Variants in TJP1 observed in about 807,000 individuals in gnomAD.
TJP1 encodes tight junction protein ZO-1.
A neutral mutation model predicts 194.2 loss-of-function variants in TJP1; 43 were observed. The observed-to-expected ratio is 0.22, with a 90% CI of 0.17 to 0.29. TJP1 has a LOEUF of 0.29. Among genes scored for constraint, TJP1 ranks in the 10% least tolerant of loss-of-function variants. The pLI is 1.00. For missense variants in TJP1, 1,971 were observed against 2,185.7 expected, an observed-to-expected ratio of 0.90 and a Z score of 1.96; for synonymous variants, 801 against 779.0, an observed-to-expected ratio of 1.03 and a Z score of -0.47.
At chr15:29,873,223 C>T (rs997043250) in intron 2 of TJP1, among the ~76,000 whole-genome samples, 2 of 152,250 alleles carry the variant, frequency 1.3e-5, no homozygotes, top group South Asian at 2.1e-4. Context: ...TTTTGAGGTC[C>T]GTTTAGCAAA....
At chr15:29,936,520 G>A (rs911256131) in intron 2 of TJP1, among the ~76,000 whole-genome samples, 1 of 152,090 alleles carries the variant, frequency 6.6e-6, no homozygotes, top group Non-Finnish European at 1.5e-5. Context: ...AGGGCCACCC[G>A]CCGGCTCTCC....
At chr15:29,876,772 G>A (rs777461482) in intron 2 of TJP1, among the ~76,000 whole-genome samples, 13 of 152,120 alleles carry the variant, frequency 8.5e-5, no homozygotes, top group Non-Finnish European at 1.8e-4. Flanking sequence ...GACTGCTGCA[G>A]CCCTCCATTC....
intron 17 of TJP1, 103 bp from the exon 18 acceptor site, chr15:29,726,582 A>G: frequency 8.0e-7 from 1 of 1,251,542 alleles, no homozygotes; most frequent in Non-Finnish European, 1.1e-6. Flanking sequence ...GAAAGATGGT[A>G]TCTGAGGATG....
At chr15:29,808,383 G>T (rs570870290) in intron 1 of TJP1, among the ~76,000 whole-genome samples, 1 of 152,204 alleles carries the variant, frequency 6.6e-6, no homozygotes, top group African/African-American at 2.4e-5. Context: ...GCTTCGGGAC[G>T]TAAAGTAAAT....
intron 2 of TJP1, among the ~76,000 whole-genome samples, chr15:29,779,093 TC>T (rs2047194002): frequency 6.6e-6 from 1 of 152,164 alleles, no homozygotes; most frequent in African/African-American, 2.4e-5. Flanking sequence ...ACAGATAACT[TC>T]CGAATGTGGG....
chr15:29,845,205 A>G (rs1305356136), intron 2 of TJP1, among the ~76,000 whole-genome samples: 1 of 152,204 alleles, frequency 6.6e-6, no homozygotes, highest in Non-Finnish European at 1.5e-5. Context: ...TCCTCTCCTA[A>G]ATCTCACTAA....
chr15:29,830,894 T>C (rs1319080841), intron 2 of TJP1, among the ~76,000 whole-genome samples: 1 of 152,076 alleles, frequency 6.6e-6, no homozygotes, highest in Non-Finnish European at 1.5e-5. Context: ...GTCAAAAGGA[T>C]ACAGAAGCCA....
intron 8 of TJP1, among the ~76,000 whole-genome samples, chr15:29,749,430 T>C (rs1466807598): frequency 3.3e-5 from 5 of 152,136 alleles, no homozygotes; most frequent in Admixed American, 3.3e-4. Context: ...AAAACTTTGG[T>C]TGTGAAATTG....
chr15:29,871,895 CA>C (rs1220166316), intron 2 of TJP1, among the ~76,000 whole-genome samples: 1 of 151,892 alleles, frequency 6.6e-6, no homozygotes, highest in South Asian at 2.1e-4. Flanking sequence ...GAAGTATAAA[CA>C]AAAAAAAGTT....
intron 23 of TJP1, among the ~76,000 whole-genome samples, chr15:29,716,387 C>T (rs952888933): frequency 2.6e-5 from 4 of 152,132 alleles, no homozygotes; most frequent in African/African-American, 9.7e-5. Context: ...CCGTCAAAAC[C>T]CTGTGATGTT....
rs1287426303 is a variant in TJP1, at chr15:29,700,649, C to T, written c.*946G>A. 6.4e-6 allele frequency: 2 copies of T among 313,676 alleles called. No homozygotes were observed. The highest frequency in any genetic ancestry group is 1.1e-5 in the Non-Finnish European group (2 of 176,204). The allele number at this position is 313,676 out of a possible 1,614,324, so 19.4% of individuals were successfully genotyped here. ...AAAAGTGGTATGCACGCATTATGTA[C>T]AAGCATCCTTAAAACATCAAAATTT... On this transcript the variant is annotated 3_prime_UTR_variant, in exon 28 of 28. Transcript: ENST00000614355.
At chr15:29,923,827 G>T (rs556869347) in intron 2 of TJP1, among the ~76,000 whole-genome samples, 2 of 152,230 alleles carry the variant, frequency 1.3e-5, no homozygotes, top group East Asian at 3.9e-4. Context: ...TCTCAATAAA[G>T]CTGTTAAAAA....
intron 8 of TJP1, among the ~76,000 whole-genome samples, chr15:29,756,917 A>G (rs1464879571): frequency 6.6e-6 from 1 of 152,204 alleles, no homozygotes; most frequent in Non-Finnish European, 1.5e-5. Flanking sequence ...AAATACAAGC[A>G]GATAAGAAAG....
chr15:29,873,566 TTC>T (rs1235647412), intron 2 of TJP1, among the ~76,000 whole-genome samples: 3 of 152,250 alleles, frequency 2.0e-5, no homozygotes, highest in African/African-American at 7.2e-5. Context: ...TGGAGAGCTA[TTC>T]TTTTATGATC....
intron 15 of TJP1, 95 bp from the exon 16 acceptor site, chr15:29,728,114 G>A: frequency 1.0e-6 from 1 of 982,334 alleles, no homozygotes; most frequent in Admixed American, 1.9e-5. Context: ...TGCCGGACTG[G>A]ATAGTACTTT....
At chr15:29,792,750 A>AT (rs1211360754) in intron 2 of TJP1, among the ~76,000 whole-genome samples, 1 of 152,232 alleles carries the variant, frequency 6.6e-6, no homozygotes, top group Non-Finnish European at 1.5e-5. Flanking sequence ...ACCATGGAGT[A>AT]TCTTTCCACT....
intron 10 of TJP1, 38 bp downstream of exon 10, chr15:29,741,293 T>A: frequency 6.8e-7 from 1 of 1,469,820 alleles, no homozygotes; most frequent in Non-Finnish European, 9.4e-7. Flanking sequence ...ATGTTAATAA[T>A]GAACAAAGAA....
intron 2 of TJP1, among the ~76,000 whole-genome samples, chr15:29,936,282 TA>T (rs949649635): frequency 6.6e-6 from 1 of 152,082 alleles, no homozygotes; most frequent in African/African-American, 2.4e-5. Flanking sequence ...TGTTAAAAAT[TA>T]AAGACTTCTA....
In TJP1 at chr15:29,766,496, T is replaced by G. The variant is rs772857215; in HGVS notation, c.359A>C (p.Asp120Ala). 1 of 1,603,546 alleles carries G rather than the reference T, an allele frequency of 6.2e-7. No individual in the cohort carries two copies. The highest frequency in any genetic ancestry group is 1.3e-5 in the African/African-American group (1 of 74,656). The change falls in exon 5 of 28, where the codon GAT (aspartate) becomes GCT (alanine). Residue 120 changes from aspartate to alanine, a missense_variant. Coordinates refer to ENST00000614355, the MANE Select transcript of TJP1 (RefSeq NM_001330239.4). Reference sequence around the variant, plus strand: ...TTCATTATCAGATACTGGTTCAGGATCAGGACGACTTACTGGTATTTGAAC... The same window carrying G: ...TTCATTATCAGATACTGGTTCAGGAGCAGGACGACTTACTGGTATTTGAAC... Reference protein sequence around the residue: ...KKVQIPVSRPDPEPVSDNEED... With the variant: ...KKVQIPVSRPAPEPVSDNEED...
Sources: gnomAD v4.1 joint callset for allele counts (sites outside exome capture counted in the v4.1 genomes callset) on GRCh38, gnomAD v4.1.1 for gene constraint, MANE v1.5 for transcripts, NCBI Gene and HGNC (gene_info 2026-07-23, HGNC 2026-07-21) for gene names.